POGLUT1: variants seen among roughly 807,000 people sequenced by gnomAD.
The protein encoded by POGLUT1 is 9630046K23Rik.
A neutral mutation model predicts 61.3 loss-of-function variants in POGLUT1; 32 were observed. The observed-to-expected ratio is 0.52, with a 90% CI of 0.39 to 0.70. The LOEUF (loss-of-function observed/expected upper bound fraction) is 0.70, where lower values mean the gene tolerates loss of function less well. Ranked by LOEUF, POGLUT1 falls within the 30% of genes least tolerant of loss-of-function variation. The pLI, the probability that POGLUT1 is intolerant of heterozygous loss-of-function variation, is 0.00. For missense variants in POGLUT1, 411 were observed against 469.8 expected, an observed-to-expected ratio of 0.87 and a Z score of 1.16; for synonymous variants, 158 against 158.2, an observed-to-expected ratio of 1.00 and a Z score of 0.01.
chr3:119,489,045 C>A, intron 8 of POGLUT1, 58 bp downstream of exon 8: 2 of 963,316 alleles, frequency 2.1e-6, no homozygotes, highest in South Asian at 1.5e-5. Flanking sequence ...GAAATAGCTT[C>A]ACTTTGGGTG....
At chr3:119,470,086 G>A (rs1379294025) in intron 2 of POGLUT1, among the ~76,000 whole-genome samples, 176 bp downstream of exon 2, 1 of 152,186 alleles carries the variant, frequency 6.6e-6, no homozygotes, top group African/African-American at 2.4e-5. Flanking sequence ...CCTAACCACT[G>A]ACTCACTGCG....
chr3:119,489,226 A>G (rs568155807), intron 8 of POGLUT1: 8 of 347,836 alleles, frequency 2.3e-5, no homozygotes, highest in South Asian at 8.7e-5. Context: ...TAATCACAGT[A>G]ATGGAATTAC....
rs552123510 is a variant in POGLUT1, at chr3:119,477,694, G to A, written c.456+246G>A. 1.4e-4 allele frequency among the ~76,000 whole-genome samples: 21 copies of A among 152,340 alleles called. No homozygotes were observed. The East Asian group carries it at 2.3e-3, about 17-fold the overall frequency. On this transcript the variant is annotated intron_variant, in intron 4 of 10. Coordinates refer to ENST00000295588, the MANE Select transcript of POGLUT1 (RefSeq NM_152305.3). ...TAGGGCTAGAGATGGAGGCTAGGGC[G>A]TGAGAGGCCTGAGAAACCTACAGGA...
intron 3 of POGLUT1, among the ~76,000 whole-genome samples, chr3:119,475,768 C>T (rs1029699500): frequency 4.0e-5 from 6 of 150,766 alleles, no homozygotes; most frequent in South Asian, 4.2e-4. Context: ...GCTGAGATTG[C>T]GCCATTGCAC....
In POGLUT1 at chr3:119,492,576, C is replaced by T. The variant is rs191643012; in HGVS notation, c.*138C>T. Reference sequence around the variant, plus strand: ...ATACCTGGTTTTCCTTATCATGCTGCACCCAGAGCAACTCTTGAGAAAGAT... The same window carrying T: ...ATACCTGGTTTTCCTTATCATGCTGTACCCAGAGCAACTCTTGAGAAAGAT... On this transcript the variant is annotated 3_prime_UTR_variant, in exon 11 of 11. Coordinates refer to ENST00000295588, the MANE Select transcript of POGLUT1 (RefSeq NM_152305.3). 9.7e-5 allele frequency: 47 copies of T among 483,364 alleles called. No individual in the cohort carries two copies. Among genetic ancestry groups the T allele is most frequent in the African/African-American group, 6.9e-4 (35 of 50,694 alleles). 29.9% of individuals were successfully genotyped at this position (483,364 alleles called of 1,614,324 possible).
rs543876279 is a variant in POGLUT1 at position 119,472,178 on chromosome 3, A to G, written c.320+726A>G. Among the ~76,000 whole-genome samples the G allele has an allele frequency of 2.0e-5, 3 of 151,844 alleles. No individual in the cohort carries two copies. The East Asian group carries it at 5.8e-4, about 29-fold the overall frequency. ...TTTAGGCAGCATTGCACACACCAAAAGATAAACTTTATTTTTGGAGTTTGT... is the reference window on the plus strand; with the variant it reads ...TTTAGGCAGCATTGCACACACCAAAGGATAAACTTTATTTTTGGAGTTTGT... On this transcript the variant is annotated intron_variant, in intron 3 of 10. Coordinates refer to ENST00000295588, the MANE Select transcript of POGLUT1 (RefSeq NM_152305.3).
At chr3:119,480,993 G>A (rs759259299) in intron 5 of POGLUT1, among the ~76,000 whole-genome samples, 3 of 152,056 alleles carry the variant, frequency 2.0e-5, no homozygotes, top group Non-Finnish European at 4.4e-5. Flanking sequence ...ACCCACCTCG[G>A]CCTCCCAAAG....
rs1417336009 is a variant in POGLUT1 at position 119,469,121 on chromosome 3, G to T, written c.85+15G>T. ...GAAGGAGTCAGGTGGGCTCCGGGCA[G>T]TGCCGAGCCTGCCCCTTGGGCTCGG... On this transcript the variant is annotated intron_variant, in intron 1 of 10. Transcript: ENST00000295588. 14 of 1,584,108 alleles carry T rather than the reference G, an allele frequency of 8.8e-6. No individual in the cohort carries two copies. Among genetic ancestry groups the T allele is most frequent in the Non-Finnish European group, 1.2e-5 (14 of 1,164,650 alleles).
chr3:119,482,687 T>C (rs183370494), intron 5 of POGLUT1, among the ~76,000 whole-genome samples: 4 of 152,350 alleles, frequency 2.6e-5, no homozygotes, highest in Non-Finnish European at 2.9e-5. Context: ...TGATGTTCAT[T>C]TGTTACCTTG....
chr3:119,471,526 A>T, intron 3 of POGLUT1, 74 bp downstream of exon 3: 1 of 1,299,448 alleles, frequency 7.7e-7, no homozygotes, highest in Non-Finnish European at 1.1e-6. Context: ...TAGAGGAGCC[A>T]ATTCATGGGA....
intron 4 of POGLUT1, among the ~76,000 whole-genome samples, chr3:119,479,518 G>A (rs1362195503): frequency 6.6e-6 from 1 of 152,130 alleles, no homozygotes; most frequent in Non-Finnish European, 1.5e-5. Flanking sequence ...AGGAAGCTGA[G>A]GCATAGAACC....
intron 6 of POGLUT1, among the ~76,000 whole-genome samples, 197 bp downstream of exon 6, chr3:119,485,584 A>G (rs917202922): frequency 6.6e-6 from 1 of 152,274 alleles, no homozygotes; most frequent in African/African-American, 2.4e-5. Flanking sequence ...TGATATTCAA[A>G]GAAGTAAAGT....
rs2081705083 is a variant in POGLUT1, at chr3:119,488,916, T to C, written c.739-13T>C. On this transcript the variant is annotated splice_polypyrimidine_tract_variant and intron_variant, in intron 7 of 10. Coordinates refer to ENST00000295588, the MANE Select transcript of POGLUT1 (RefSeq NM_152305.3). ...GTTGCTGTTAATACTAATAACTTCC[T>C]TTCCACTTAAAGGATACCTTAGGAA... 5 of 1,529,204 alleles carry C rather than the reference T, an allele frequency of 3.3e-6. No homozygotes were observed. The highest frequency in any genetic ancestry group is 4.5e-6 in the Non-Finnish European group (5 of 1,105,584). 94.7% of individuals were successfully genotyped at this position (1,529,204 alleles called of 1,614,324 possible).
chr3:119,470,435 G>A (rs144505126), intron 2 of POGLUT1, among the ~76,000 whole-genome samples: 41 of 152,272 alleles, frequency 2.7e-4, no homozygotes, highest in Admixed American at 1.7e-3. Context: ...AATTAGCTGG[G>A]CATGATGGCA....
At chr3:119,479,918 G>A (rs770040627) in intron 4 of POGLUT1, 133 bp from the exon 5 acceptor site, 131 of 1,535,890 alleles carry the variant, frequency 8.5e-5, no homozygotes, top group Non-Finnish European at 1.1e-4. Context: ...GCTAGACTTT[G>A]GAAAATAGGG....
intron 7 of POGLUT1, chr3:119,488,055 G>A (rs2081691362): frequency 6.6e-6 from 1 of 152,170 alleles, no homozygotes; most frequent in African/African-American, 2.4e-5. Flanking sequence ...ACCATATGAG[G>A]ATGCTATGAG....
At chr3:119,487,701 T>A (rs889026944) in intron 7 of POGLUT1, among the ~76,000 whole-genome samples, 1 of 152,198 alleles carries the variant, frequency 6.6e-6, no homozygotes, top group Non-Finnish European at 1.5e-5. Context: ...CCTTTTTTTT[T>A]AACCATTTGA....
chr3:119,489,850 T>C (rs1035270060), intron 8 of POGLUT1: 2 of 152,388 alleles, frequency 1.3e-5, no homozygotes, highest in African/African-American at 4.8e-5. Flanking sequence ...CAAACTGTAT[T>C]GTGAACTGTG....
chr3:119,469,042 G>A lies in POGLUT1; in HGVS notation c.21G>A (p.Ser7=), dbSNP rs138793779. 2.7e-5 allele frequency: 43 copies of A among 1,608,928 alleles called. No individual in the cohort carries two copies. Among genetic ancestry groups the A allele is most frequent in the Non-Finnish European group, 3.6e-5 (42 of 1,178,826 alleles). MEWWAS[S]PLRLWLLLFL... ...CGGCGATGGAGTGGTGGGCTAGCTC[G>A]CCGCTTCGGCTCTGGCTGCTGTTGT... The change falls in exon 1 of 11, where the codon TCG becomes TCA. Residue 7 remains serine, a synonymous_variant. Transcript: ENST00000295588.
Sources: gnomAD v4.1 joint callset for allele counts (sites outside exome capture counted in the v4.1 genomes callset) on GRCh38, gnomAD v4.1.1 for gene constraint, MANE v1.5 for transcripts, NCBI Gene and HGNC (gene_info 2026-07-23, HGNC 2026-07-21) for gene names.